Variants in NEBL observed in about 807,000 individuals in gnomAD.
The protein encoded by NEBL is LIM and SH3 protein 2.
A neutral mutation model predicts 140.2 loss-of-function variants in NEBL; 122 were observed. The observed-to-expected ratio is 0.87, with a 90% CI of 0.75 to 1.01. The LOEUF (loss-of-function observed/expected upper bound fraction) is 1.01. Among genes scored for constraint, NEBL ranks in the 50% least tolerant of loss-of-function variants. The pLI, the probability that NEBL is intolerant of heterozygous loss-of-function variation, is 0.00. For synonymous variants in NEBL, 436 were observed against 398.9 expected (o/e 1.09, Z -1.11); for missense variants, 1,365 against 1,231.3 (o/e 1.11, Z -1.62).
intron 3 of NEBL, among the ~76,000 whole-genome samples, chr10:21,191,989 G>A (rs975877634): frequency 6.6e-6 from 1 of 152,094 alleles, no homozygotes; most frequent in African/African-American, 2.4e-5. Context: ...GTATTAAAGG[G>A]TTATTGATTG....
intron 4 of NEBL, among the ~76,000 whole-genome samples, chr10:20,909,696 T>C (rs11012385): frequency 0.56 from 85,589 of 151,938 alleles, 24,968 homozygotes; most frequent in Non-Finnish European, 0.63. Context: ...ATGAAGATAA[T>C]TTACAGAATA....
chr10:21,279,924 G>A (rs959502191), intron 1 of NEBL, among the ~76,000 whole-genome samples: 2 of 152,010 alleles, frequency 1.3e-5, no homozygotes, highest in African/African-American at 4.8e-5. Context: ...AGCTGACAAG[G>A]GAAGTATCAG....
chr10:21,062,087 C>CTG (rs1835330266), intron 2 of NEBL, among the ~76,000 whole-genome samples: 8 of 152,208 alleles, frequency 5.3e-5, no homozygotes, highest in Admixed American at 1.3e-4. Flanking sequence ...TAGTCGTGTT[C>CTG]TGTGTGTACA....
intron 16 of NEBL, 30 bp downstream of exon 16, chr10:20,831,166 C>G: frequency 6.9e-7 from 1 of 1,450,208 alleles, no homozygotes; most frequent in African/African-American, 1.4e-5. Context: ...TTGGAATACA[C>G]GATTCTGAGC....
rs575166542 is a variant in NEBL, at chr10:21,079,376, G to C, written c.165-59175C>G. Among the ~76,000 whole-genome samples the C allele has an allele frequency of 2.0e-5, 3 of 152,316 alleles. No individual in the cohort carries two copies. In the East Asian group the frequency reaches 5.8e-4, roughly 29 times the overall value. On this transcript the variant is annotated intron_variant, in intron 2 of 6. Transcript: ENST00000417816. Reference sequence around the variant, plus strand: ...TCTCATTTCTGTGATTTATTTGGCAGGTGCTTTCATCTAAACCTCCCAGCA... The same window carrying C: ...TCTCATTTCTGTGATTTATTTGGCACGTGCTTTCATCTAAACCTCCCAGCA...
chr10:20,985,548 A>G (rs1044753427), intron 3 of NEBL, among the ~76,000 whole-genome samples: 10 of 152,172 alleles, frequency 6.6e-5, no homozygotes, highest in African/African-American at 2.4e-4. Context: ...ATGAAATCTC[A>G]ATCTAAGCTG....
At chr10:20,918,242 C>T (rs1172309108) in intron 4 of NEBL, among the ~76,000 whole-genome samples, 1 of 152,114 alleles carries the variant, frequency 6.6e-6, no homozygotes, top group Non-Finnish European at 1.5e-5. Flanking sequence ...CTTGTAATCC[C>T]AGCTACTCAG....
At chr10:21,205,005 T>C (rs1202461606) in intron 3 of NEBL, among the ~76,000 whole-genome samples, 1 of 152,248 alleles carries the variant, frequency 6.6e-6, no homozygotes, top group Admixed American at 6.5e-5. Flanking sequence ...TACTATTTCA[T>C]AAACTACTTT....
At chr10:20,796,142 T>A (rs1248132334) in intron 26 of NEBL, among the ~76,000 whole-genome samples, 1 of 151,880 alleles carries the variant, frequency 6.6e-6, no homozygotes, top group African/African-American at 2.4e-5. Context: ...GGCGGGCGGA[T>A]CATTTGAGGT....
At chr10:20,810,016 G>C in intron 24 of NEBL, 118 bp from the exon 25 acceptor site, 1 of 721,964 alleles carries the variant, frequency 1.4e-6, no homozygotes, top group Non-Finnish European at 2.4e-6. Flanking sequence ...ATAGATATAA[G>C]AAGCAAACAT....
intron 3 of NEBL, among the ~76,000 whole-genome samples, chr10:21,010,190 CAG>C (rs1838282401): frequency 1.3e-5 from 2 of 152,170 alleles, no homozygotes; most frequent in South Asian, 4.1e-4. Context: ...TAAGGGATCA[CAG>C]AGACATGCTG....
At chr10:21,246,093 T>C (rs375584841) in intron 3 of NEBL, among the ~76,000 whole-genome samples, 1 of 152,232 alleles carries the variant, frequency 6.6e-6, no homozygotes, top group East Asian at 1.9e-4. Context: ...AGGAGTGCGC[T>C]GTGTGACCTT....
At chr10:20,921,609 G>T (rs4748734) in intron 4 of NEBL, among the ~76,000 whole-genome samples, 100,591 of 151,960 alleles carry the variant, frequency 0.66, 33,550 homozygotes, top group Non-Finnish European at 0.69. Flanking sequence ...CTGAATCTCG[G>T]GGCACCTCAC....
intron 2 of NEBL, among the ~76,000 whole-genome samples, chr10:21,082,433 A>G (rs1004678224): frequency 4.6e-5 from 7 of 151,786 alleles, no homozygotes; most frequent in African/African-American, 1.7e-4. Flanking sequence ...CAATGAGGAA[A>G]CATCATTCTG....
At chr10:20,936,993 T>C (rs906058834) in intron 4 of NEBL, among the ~76,000 whole-genome samples, 2 of 152,200 alleles carry the variant, frequency 1.3e-5, no homozygotes, top group Non-Finnish European at 2.9e-5. Flanking sequence ...GCAAAACATT[T>C]TGGAATCATT....
chr10:21,170,651 C>T (rs1433969696), intron 2 of NEBL: 1 of 152,628 alleles, frequency 6.6e-6, no homozygotes, highest in East Asian at 1.9e-4. Context: ...GACTTCCCCT[C>T]TCCAAGAAAG....
At chr10:21,203,894 T>C (rs563251285) in intron 3 of NEBL, among the ~76,000 whole-genome samples, 1 of 152,196 alleles carries the variant, frequency 6.6e-6, no homozygotes, top group South Asian at 2.1e-4. Context: ...CTACCAGACC[T>C]GACTCAGAGC....
intron 2 of NEBL, among the ~76,000 whole-genome samples, chr10:21,101,371 G>A (rs941446292): frequency 1.3e-4 from 20 of 152,164 alleles, no homozygotes; most frequent in Non-Finnish European, 2.9e-4. Flanking sequence ...TAACAGCTCT[G>A]GCTAAAACAA....
intron 3 of NEBL, among the ~76,000 whole-genome samples, chr10:20,988,585 C>T (rs568540359): frequency 1.3e-5 from 2 of 152,246 alleles, no homozygotes; most frequent in Non-Finnish European, 2.9e-5. Flanking sequence ...CCTCTCTCTC[C>T]TCCATCATCA....
Sources: gnomAD v4.1 joint callset for allele counts (sites outside exome capture counted in the v4.1 genomes callset) on GRCh38, gnomAD v4.1.1 for gene constraint, MANE v1.5 for transcripts, NCBI Gene and HGNC (gene_info 2026-07-23, HGNC 2026-07-21) for gene names.